MTOR: variants seen among roughly 807,000 people sequenced by gnomAD.
The protein encoded by MTOR is mechanistic target of rapamycin kinase.
In MTOR, 70 loss-of-function variants were observed where a neutral mutation model predicts 319.8. That is an observed-to-expected ratio of 0.22 (90% CI 0.18 to 0.27). MTOR has a LOEUF of 0.27. MTOR is among the 10% of genes least tolerant of loss of function. MTOR has a pLI of 1.00. For missense variants in MTOR, 1,890 were observed against 3,274.4 expected (o/e 0.58, Z 10.32); for synonymous variants, 1,183 against 1,211.4 (o/e 0.98, Z 0.49).
Position 11,133,238 on chromosome 1 carries a change from A to C in MTOR, c.5247-41T>G, listed in dbSNP as rs1200875529. 6.4e-7 allele frequency: 1 copy of C among 1,550,456 alleles called. No homozygotes were observed. Among genetic ancestry groups the C allele is most frequent in the Admixed American group, 1.7e-5 (1 of 59,934 alleles). On this transcript the variant is annotated intron_variant, in intron 37 of 57. Transcript: ENST00000361445. The surrounding 1 kb of genome is among the most constrained non-coding windows in gnomAD (Gnocchi z 4.0). ...CAAGCCCCCATGACATTCCCTCCTC[A>C]AAACAGCCCTCCTAAGAGGACCACA...
At position 11,114,947 on chromosome 1, in the gene MTOR, G is replaced by T. The variant is rs571621818; in HGVS notation, c.7090-60C>A. The T allele has an allele frequency of 7.6e-5, 111 of 1,463,746 alleles. No individual in the cohort carries two copies. In the African/African-American group the frequency reaches 1.3e-3, roughly 18 times the overall value. 90.7% of individuals were successfully genotyped at this position (1,463,746 alleles called of 1,614,324 possible). A position where few individuals can be genotyped will look rare whatever the true frequency, so the allele number is the denominator to read the frequency against. On this transcript the variant is annotated intron_variant, in intron 51 of 57. Transcript: ENST00000361445. The stretch of plus-strand genomic sequence containing the variant: ...GTTTATTTTCTTTACCTGGAGCCAG[G>T]TGGAGCAGGTGGCTTTCCTCTGCAT...
intron 18 of MTOR, among the ~76,000 whole-genome samples, chr1:11,230,084 C>A (rs1646967375): frequency 6.6e-6 from 1 of 151,542 alleles, no homozygotes; most frequent in Admixed American, 6.6e-5. Flanking sequence ...TCTCCCTATT[C>A]CCCCTCCCTG....
chr1:11,134,103 C>T (rs1213333367), intron 37 of MTOR, among the ~76,000 whole-genome samples: 1 of 151,770 alleles, frequency 6.6e-6, no homozygotes, highest in African/African-American at 2.4e-5. Context: ...CATTTGAAAA[C>T]AAGGACTCTA....
intron 26 of MTOR, among the ~76,000 whole-genome samples, chr1:11,202,115 A>G (rs988325069): frequency 6.6e-6 from 1 of 152,156 alleles, no homozygotes; most frequent in Admixed American, 6.5e-5. Flanking sequence ...CTGTAAACCA[A>G]ATTTTAAATG....
chr1:11,241,796 G>T lies in MTOR; in HGVS notation c.1413-115C>A, dbSNP rs371731116. 2.6e-4 allele frequency: 309 copies of T among 1,191,804 alleles called. 3 individuals carry two copies. In the African/African-American group the frequency reaches 4.2e-3, roughly 16 times the overall value. The allele number at this position is 1,191,804 out of a possible 1,614,324, so 73.8% of individuals were successfully genotyped here. ...TACTCAGGCAGGGCTACCACAGATGGGTATGCAAATTGTCCAGAGCACAGT... is the reference window on the plus strand; with the variant it reads ...TACTCAGGCAGGGCTACCACAGATGTGTATGCAAATTGTCCAGAGCACAGT... On this transcript the variant is annotated intron_variant, in intron 9 of 57. Coordinates refer to ENST00000361445, the MANE Select transcript of MTOR (RefSeq NM_004958.4).
intron 28 of MTOR, among the ~76,000 whole-genome samples, chr1:11,178,663 G>C (rs1396741670): frequency 6.6e-6 from 1 of 152,154 alleles, no homozygotes; most frequent in East Asian, 1.9e-4. Flanking sequence ...GAGAAACAAA[G>C]AGCTCTGAGA....
chr1:11,244,058 C>T lies in MTOR; in HGVS notation c.1226-758G>A, dbSNP rs141536242. 1.3e-3 allele frequency among the ~76,000 whole-genome samples: 196 copies of T among 151,598 alleles called. 1 individual carries two copies. The East Asian group carries it at 0.027, about 21-fold the overall frequency. ...CTGTAATCCCAGCACTTTGGGACAC[C>T]AAGGCAGGAGGATCACCTGAGGTCA... is the stretch of plus-strand genomic sequence containing the variant. On this transcript the variant is annotated intron_variant, in intron 8 of 57. Transcript: ENST00000361445.
intron 28 of MTOR, among the ~76,000 whole-genome samples, chr1:11,172,637 G>A (rs1386720428): frequency 6.6e-5 from 10 of 151,372 alleles, no homozygotes; most frequent in South Asian, 2.1e-4. Flanking sequence ...GTGGGAGGCC[G>A]AGGTGGGCGG....
Position 11,127,472 on chromosome 1 carries a change from A to T in MTOR, c.6216+152T>A. ...TGTGACCTCCATCAGAGCTCGTTTT[A>T]TTAAAGTCAGTGGAAAGGCCAGAGG... On this transcript the variant is annotated intron_variant, in intron 44 of 57. Coordinates refer to ENST00000361445, the MANE Select transcript of MTOR (RefSeq NM_004958.4). The surrounding 1 kb of genome is among the most constrained non-coding windows in gnomAD (Gnocchi z 5.5). 1.1e-6 allele frequency: 1 copy of T among 934,246 alleles called. No homozygotes were observed. The highest frequency in any genetic ancestry group is 1.6e-6 in the Non-Finnish European group (1 of 642,122). 57.9% of individuals were successfully genotyped at this position (934,246 alleles called of 1,614,324 possible). A position where few individuals can be genotyped will look rare whatever the true frequency, so the allele number is the denominator to read the frequency against.
intron 49 of MTOR, among the ~76,000 whole-genome samples, chr1:11,119,745 CAA>C (rs925991572): frequency 9.0e-6 from 1 of 110,842 alleles, no homozygotes. Context: ...GACCTTGTCT[CAA>C]AAAAAAAAAA....
At chr1:11,134,106 G>A (rs1255612855) in intron 37 of MTOR, among the ~76,000 whole-genome samples, 1 of 152,074 alleles carries the variant, frequency 6.6e-6, no homozygotes, top group Admixed American at 6.5e-5. Flanking sequence ...TTGAAAACAA[G>A]GACTCTAAAA....
At chr1:11,156,182 G>T (rs1644313659) in intron 30 of MTOR, among the ~76,000 whole-genome samples, 1 of 152,076 alleles carries the variant, frequency 6.6e-6, no homozygotes, top group Non-Finnish European at 1.5e-5. Context: ...TGGAGACGAG[G>T]TTTCGCCATG....
intron 32 of MTOR, chr1:11,145,350 A>T (rs1253260493): frequency 2.6e-6 from 1 of 382,914 alleles, no homozygotes; most frequent in African/African-American, 2.0e-5. Flanking sequence ...GGGTTCTTGC[A>T]TCTCAAGAGG....
chr1:11,208,109 T>C (rs1167864966), intron 25 of MTOR, among the ~76,000 whole-genome samples: 1 of 152,216 alleles, frequency 6.6e-6, no homozygotes, highest in African/African-American at 2.4e-5. Flanking sequence ...ACATCTGGCC[T>C]CCTGCCTGGC....
At chr1:11,161,726 G>C (rs571666286) in intron 29 of MTOR, among the ~76,000 whole-genome samples, 2 of 152,352 alleles carry the variant, frequency 1.3e-5, no homozygotes, top group Non-Finnish European at 2.9e-5. Context: ...TGAGGGTCCT[G>C]ACTGTTAGAA....
At chr1:11,178,579 C>T (rs1470494679) in intron 28 of MTOR, among the ~76,000 whole-genome samples, 1 of 152,192 alleles carries the variant, frequency 6.6e-6, no homozygotes, top group Non-Finnish European at 1.5e-5. Flanking sequence ...TTTTATTCTA[C>T]AACAATGAGC....
intron 28 of MTOR, among the ~76,000 whole-genome samples, chr1:11,181,665 C>T (rs922130900): frequency 1.3e-5 from 2 of 152,152 alleles, no homozygotes; most frequent in African/African-American, 4.8e-5. Context: ...GAATGTGATG[C>T]CCTACAGCGA....
chr1:11,225,624 G>A (rs559218684), intron 19 of MTOR, among the ~76,000 whole-genome samples: 7 of 152,138 alleles, frequency 4.6e-5, no homozygotes, highest in Middle Eastern at 3.4e-3. Flanking sequence ...GTTTCTCCAT[G>A]TTGGCCAGGC....
rs763894725 is a variant in MTOR, at chr1:11,212,861, C to A, written c.3333G>T (p.Leu1111=). The A allele has an allele frequency of 1.2e-6, 2 of 1,614,112 alleles. No individual in the cohort carries two copies. Among genetic ancestry groups the A allele is most frequent in the Non-Finnish European group, 8.5e-7 (1 of 1,179,992 alleles). ...QLFGANLDDY[L]HLLLPPIVKL... is the part of the protein sequence containing the mutation. ...TAACAATAGGAGGCAGCAGTAAATG[C>A]AGGTAGTCATCCAGGTTGGCGCCAA... is the stretch of plus-strand genomic sequence containing the variant. The change falls in exon 22 of 58, where the codon CTG becomes CTT. Residue 1111 remains leucine, a synonymous_variant. Transcript: ENST00000361445. The surrounding 1 kb of genome is among the most constrained non-coding windows in gnomAD (Gnocchi z 4.1).
Sources: allele counts gnomAD v4.1 joint callset (sites outside exome capture counted in the v4.1 genomes callset), GRCh38; gene constraint gnomAD v4.1.1; non-coding constraint Gnocchi (gnomAD v3.1); transcripts MANE v1.5; gene names NCBI Gene and HGNC (gene_info 2026-07-23, HGNC 2026-07-21).